ABCB1: variants seen among roughly 807,000 people sequenced by gnomAD.
The protein encoded by ABCB1 is ATP-dependent translocase ABCB1.
A neutral mutation model predicts 142.0 loss-of-function variants in ABCB1; 69 were observed. The ratio of observed to expected loss-of-function variants is 0.49; its 90% confidence interval spans 0.40 to 0.59. ABCB1 has a LOEUF of 0.59. ABCB1 is among the 20% of genes least tolerant of loss of function. ABCB1 has a pLI of 0.00. For synonymous variants in ABCB1, 532 were observed against 539.2 expected (o/e 0.99, Z 0.18); for missense variants, 1,326 against 1,554.7 (o/e 0.85, Z 2.47).
chr7:87,626,748 A>ATGTCATATATG (rs1820664345), intron 1 of ABCB1, among the ~76,000 whole-genome samples: 1 of 24,358 alleles, frequency 4.1e-5, no homozygotes, highest in African/African-American at 2.1e-4. Context: ...TGTCATATAT[A>ATGTCATATATG]TGTCATATAT....
intron 4 of ABCB1, among the ~76,000 whole-genome samples, chr7:87,575,925 C>T (rs1339457802): frequency 6.6e-6 from 1 of 152,100 alleles, no homozygotes; most frequent in Admixed American, 6.6e-5. Context: ...GAAAAGATAC[C>T]AGACTAAAAA....
intron 7 of ABCB1, chr7:87,564,247 T>A (rs545468990): frequency 2.7e-5 from 10 of 370,104 alleles, no homozygotes; most frequent in Admixed American, 2.0e-4. Flanking sequence ...CATGATAGTA[T>A]TGGTCTACTT....
intron 1 of ABCB1, among the ~76,000 whole-genome samples, chr7:87,647,945 G>A (rs1057505399): frequency 7.9e-5 from 12 of 152,094 alleles, no homozygotes; most frequent in Admixed American, 5.9e-4. Context: ...AACACTTTGG[G>A]AGGCCAAGGC....
At chr7:87,550,318 A>C in intron 11 of ABCB1, 22 bp from the exon 12 acceptor site, 1 of 1,614,140 alleles carries the variant, frequency 6.2e-7, no homozygotes, top group Non-Finnish European at 8.5e-7. Flanking sequence ...AGTGAGAAAA[A>C]AACTTCAAGG....
chr7:87,622,529 T>C (rs1372208521), intron 1 of ABCB1, among the ~76,000 whole-genome samples: 7 of 152,204 alleles, frequency 4.6e-5, no homozygotes, highest in Admixed American at 4.6e-4. Context: ...ATTATGCATA[T>C]CTTTTGATTC....
chr7:87,576,423 G>C (rs890068837), intron 4 of ABCB1, among the ~76,000 whole-genome samples: 1 of 149,064 alleles, frequency 6.7e-6, no homozygotes. Context: ...GTGTGTGTAA[G>C]TATATATTAT....
At position 87,544,130 on chromosome 7, in the gene ABCB1, C is replaced by T; in HGVS notation, c.2210G>A (p.Gly737Glu). The change falls in exon 17 of 28, where the codon GGG becomes GAG. Residue 737 changes from glycine to glutamate, a missense_variant and splice_region_variant. Transcript: ENST00000622132. ...CACACAAATGGGCATCACACTTACCCCTATAATCTTTGAAAATATTATTGC... is the reference window on the plus strand; with the variant it reads ...CACACAAATGGGCATCACACTTACCTCTATAATCTTTGAAAATATTATTGC... ...AFAIIFSKII[G>E]VFTRIDDPET... The T allele has an allele frequency of 2.5e-6, 4 of 1,613,826 alleles. No homozygotes were observed. Among genetic ancestry groups the T allele is most frequent in the Non-Finnish European group, 3.4e-6 (4 of 1,179,846 alleles).
At chr7:87,584,520 C>A (rs545331920) in intron 4 of ABCB1, among the ~76,000 whole-genome samples, 1 of 152,168 alleles carries the variant, frequency 6.6e-6, no homozygotes, top group Admixed American at 6.5e-5. Flanking sequence ...AGATATCAAC[C>A]CATTCCTCCC....
intron 17 of ABCB1, among the ~76,000 whole-genome samples, chr7:87,543,209 G>A (rs1231196524): frequency 6.6e-6 from 1 of 152,074 alleles, no homozygotes; most frequent in Admixed American, 6.5e-5. Flanking sequence ...CAGGAGAATC[G>A]CTTGAACCCA....
intron 21 of ABCB1, chr7:87,521,965 T>C (rs1333829371): frequency 1.2e-6 from 1 of 804,494 alleles, no homozygotes; most frequent in Admixed American, 1.7e-5. Context: ...GAAATACCCA[T>C]ACTGTGAATG....
At chr7:87,554,267 CTG>C (rs933176380) in intron 8 of ABCB1, among the ~76,000 whole-genome samples, 39 of 151,678 alleles carry the variant, frequency 2.6e-4, no homozygotes, top group East Asian at 2.3e-3. Flanking sequence ...TGGAAAAAAC[CTG>C]TGTCTTTCCT....
chr7:87,672,320 T>C (rs934226908), intron 1 of ABCB1, among the ~76,000 whole-genome samples: 3 of 152,200 alleles, frequency 2.0e-5, no homozygotes, highest in Non-Finnish European at 4.4e-5. Flanking sequence ...TCTGGTCAGC[T>C]TGGACTCTCC....
Position 87,650,644 on chromosome 7 carries a change from C to T in ABCB1, c.-330-49566G>A, listed in dbSNP as rs527247993. On this transcript the variant is annotated intron_variant, in intron 1 of 28. Coordinates refer to the ABCB1 transcript ENST00000265724. ...AATAGGAAATATATCAATAAAAAGA[C>T]TCCTTTCTGTAAAAATTTCCATTTA... is the stretch of plus-strand genomic sequence containing the variant. Among the ~76,000 whole-genome samples, 148 of 152,184 alleles carry T rather than the reference C, an allele frequency of 9.7e-4. 1 individual carries two copies. The highest frequency in any genetic ancestry group is 3.4e-3 in the African/African-American group (140 of 41,546).
intron 24 of ABCB1, among the ~76,000 whole-genome samples, 172 bp from the exon 25 acceptor site, chr7:87,515,600 T>C (rs867070424): frequency 6.6e-6 from 1 of 152,038 alleles, no homozygotes; most frequent in South Asian, 2.1e-4. Flanking sequence ...ATTTATTTTT[T>C]ATTTTTTTGA....
intron 4 of ABCB1, among the ~76,000 whole-genome samples, chr7:87,570,628 T>G (rs1234114106): frequency 6.6e-6 from 1 of 152,254 alleles, no homozygotes. Context: ...TCCAGTTTTA[T>G]TCTTATTTAA....
intron 4 of ABCB1, 51 bp downstream of exon 4, chr7:87,585,461 C>G: frequency 6.3e-7 from 1 of 1,587,392 alleles, no homozygotes; most frequent in Non-Finnish European, 8.6e-7. Flanking sequence ...ACTCTAAGTG[C>G]TTGTTTTTGC....
intron 7 of ABCB1, among the ~76,000 whole-genome samples, chr7:87,565,732 A>G (rs1472181376): frequency 6.6e-6 from 1 of 151,728 alleles, no homozygotes; most frequent in Non-Finnish European, 1.5e-5. Context: ...ACTAGAGAGC[A>G]TGGTTCTTTG....
chr7:87,600,589 C>G (rs1819412113), intron 1 of ABCB1, among the ~76,000 whole-genome samples, 166 bp downstream of exon 1: 1 of 152,188 alleles, frequency 6.6e-6, no homozygotes, highest in Non-Finnish European at 1.5e-5. Context: ...TCCAGGAGCT[C>G]CTGAGTCTAG....
intron 11 of ABCB1, 69 bp from the exon 12 acceptor site, chr7:87,550,365 A>C (rs1816999030): frequency 6.2e-7 from 1 of 1,611,336 alleles, no homozygotes; most frequent in African/African-American, 1.3e-5. Context: ...CTGACTGTTC[A>C]CTAGGTTTAA....
Sources: allele counts gnomAD v4.1 joint callset (sites outside exome capture counted in the v4.1 genomes callset), GRCh38; gene constraint gnomAD v4.1.1; transcripts MANE v1.5; gene names NCBI Gene and HGNC (gene_info 2026-07-23, HGNC 2026-07-21).